The following PDIA5 variants were observed in gnomAD, a reference collection of about 807,000 sequenced individuals.
The protein encoded by PDIA5 is protein disulfide isomerase family A member 5, also known as protein disulfide-isomerase A5.
A neutral mutation model predicts 77.6 loss-of-function variants in PDIA5; 58 were observed. The observed-to-expected ratio is 0.75, with a 90% CI of 0.61 to 0.93. The LOEUF is 0.93. Among genes scored for constraint, PDIA5 ranks in the 40% least tolerant of loss-of-function variants. The pLI is 0.00. For missense variants in PDIA5, 630 were observed against 647.7 expected, an observed-to-expected ratio of 0.97 and a Z score of 0.30; for synonymous variants, 250 against 252.1, an observed-to-expected ratio of 0.99 and a Z score of 0.08.
rs73856854 is a variant in PDIA5 at position 123,153,597 on chromosome 3, A to G, written c.1274-1374A>G. Among the ~76,000 whole-genome samples, 1,013 of 152,130 alleles carry G rather than the reference A, an allele frequency of 6.7e-3. 9 individuals are homozygous for G. The highest frequency in any genetic ancestry group is 0.023 in the African/African-American group (943 of 41,524). On this transcript the variant is annotated intron_variant, in intron 14 of 16. Transcript: ENST00000316218. The stretch of plus-strand genomic sequence containing the variant: ...GCTTGTCTCATTTCTGATATAACCC[A>G]TCACTGGCCCAGGTCTCTTCTGCTC...
rs577300984 is a variant in PDIA5, at chr3:123,150,479, G to A, written c.1273+115G>A. On this transcript the variant is annotated intron_variant, in intron 14 of 16. Coordinates refer to ENST00000316218, the MANE Select transcript of PDIA5 (RefSeq NM_006810.4). ...AAGGCAGCCGCTGATGGATCCCAGG[G>A]TCATCTCCATTATGAACCAGGCTCT... 8 of 954,542 alleles carry A rather than the reference G, an allele frequency of 8.4e-6. No homozygotes were observed. The East Asian group carries it at 1.8e-4, about 22-fold the overall frequency. The allele number at this position is 954,542 out of a possible 1,614,324, so 59.1% of individuals were successfully genotyped here.
chr3:123,150,198 T>G (rs763354855), intron 13 of PDIA5, 36 bp from the exon 14 acceptor site: 1 of 1,571,890 alleles, frequency 6.4e-7, no homozygotes, highest in Non-Finnish European at 8.7e-7. Context: ...AAATCTCTCC[T>G]TATGGCTGCC....
chr3:123,079,671 G>A (rs1933945986), intron 1 of PDIA5, among the ~76,000 whole-genome samples: 1 of 152,072 alleles, frequency 6.6e-6, no homozygotes, highest in South Asian at 2.1e-4. Flanking sequence ...ATTTCCTCAG[G>A]ACACATTCCC....
chr3:123,150,309 C>A lies in PDIA5; in HGVS notation c.1218C>A (p.Asn406Lys), dbSNP rs762826795. The change falls in exon 14 of 17, where the codon AAC (asparagine) becomes AAA (lysine). Residue 406 changes from asparagine to lysine, a missense_variant. Transcript: ENST00000316218. ...QTSVLHLVGD[N>K]FRETLKKKKH... Reference sequence around the variant, plus strand: ...GCGTGTTGCACCTGGTGGGGGACAACTTCCGGGAGACCCTGAAGAAGAAGA... The same window carrying A: ...GCGTGTTGCACCTGGTGGGGGACAAATTCCGGGAGACCCTGAAGAAGAAGA... The A allele has an allele frequency of 1.2e-6, 2 of 1,613,908 alleles. No individual in the cohort carries two copies. Among genetic ancestry groups the A allele is most frequent in the East Asian group, 2.2e-5 (1 of 44,852 alleles).
intron 7 of PDIA5, among the ~76,000 whole-genome samples, chr3:123,111,699 C>T (rs2107942593): frequency 6.6e-6 from 1 of 152,334 alleles, no homozygotes; most frequent in East Asian, 1.9e-4. Context: ...CAGTGGCTTT[C>T]AAACTTTTTG....
chr3:123,102,461 C>T lies in PDIA5; in HGVS notation c.308C>T (p.Pro103Leu), dbSNP rs377598783. ...AAGAAGATGAAAGTTGACCTGAGCC[C>T]GAAGGACAAAAAGGTTGAATTATTC... is the stretch of plus-strand genomic sequence containing the variant. ...LCKKMKVDLS[P>L]KDKKVELFHY... Residue 103 changes from proline to leucine, a missense_variant, in exon 4 of 17, where the codon CCG (proline) becomes CTG (leucine). Physicochemically the swap from Pro to Leu is moderately conservative, Grantham distance 98. Coordinates refer to ENST00000316218, the MANE Select transcript of PDIA5 (RefSeq NM_006810.4). The T allele has an allele frequency of 1.6e-5, 26 of 1,613,936 alleles. No homozygotes were observed. The highest frequency in any genetic ancestry group is 1.2e-4 in the African/African-American group (9 of 75,008).
intron 1 of PDIA5, among the ~76,000 whole-genome samples, chr3:123,087,141 A>G (rs1934161050): frequency 6.6e-6 from 1 of 152,144 alleles, no homozygotes; most frequent in Non-Finnish European, 1.5e-5. Flanking sequence ...CTGAAGACTC[A>G]TATCCTTCAG....
chr3:123,150,293 A>G lies in PDIA5; in HGVS notation c.1202A>G (p.His401Arg), dbSNP rs776940046. The G allele has an allele frequency of 2.5e-6, 4 of 1,613,558 alleles. No homozygotes were observed. Among genetic ancestry groups the G allele is most frequent in the African/African-American group, 2.7e-5 (2 of 74,840 alleles). ...GAAGAGCAGCAGACAAGCGTGTTGC[A>G]CCTGGTGGGGGACAACTTCCGGGAG... ...TWEEQQTSVL[H>R]LVGDNFRETL... Residue 401 changes from histidine to arginine, a missense_variant, in exon 14 of 17, where the codon CAC becomes CGC. By Grantham distance (29) the His-to-Arg change is conservative. Coordinates refer to ENST00000316218, the MANE Select transcript of PDIA5 (RefSeq NM_006810.4).
chr3:123,145,991 A>G (rs1576463183), intron 12 of PDIA5, 108 bp from the exon 13 acceptor site: 2 of 1,047,176 alleles, frequency 1.9e-6, no homozygotes, highest in East Asian at 4.8e-5. Context: ...ACCCCAGTTA[A>G]ATTCCAGCAG....
intron 8 of PDIA5, among the ~76,000 whole-genome samples, chr3:123,123,788 G>A (rs762298845): frequency 1.2e-4 from 18 of 152,222 alleles, no homozygotes; most frequent in Non-Finnish European, 2.2e-4. Flanking sequence ...CCCTCAGAAC[G>A]TTGGTTTTGC....
At chr3:123,086,795 C>T (rs1934150363) in intron 1 of PDIA5, among the ~76,000 whole-genome samples, 1 of 152,076 alleles carries the variant, frequency 6.6e-6, no homozygotes, top group South Asian at 2.1e-4. Context: ...TAGTGGAAGA[C>T]GGGTCCCAGT....
intron 8 of PDIA5, among the ~76,000 whole-genome samples, chr3:123,118,036 A>G (rs1235519599): frequency 1.3e-5 from 2 of 152,206 alleles, no homozygotes; most frequent in African/African-American, 4.8e-5. Flanking sequence ...TTGTGGATCA[A>G]ATTAAGTGGT....
At chr3:123,155,574 G>A (rs1936004035) in intron 15 of PDIA5, among the ~76,000 whole-genome samples, 4 of 152,244 alleles carry the variant, frequency 2.6e-5, no homozygotes, top group Non-Finnish European at 4.4e-5. Flanking sequence ...CAGGCAGCTG[G>A]TGCAGTGGGG....
intron 1 of PDIA5, among the ~76,000 whole-genome samples, chr3:123,083,205 C>T (rs1185670177): frequency 3.2e-5 from 3 of 93,702 alleles, no homozygotes; most frequent in Non-Finnish European, 6.2e-5. Context: ...GGAACTGGTG[C>T]TCGGGGTGGG....
intron 14 of PDIA5, among the ~76,000 whole-genome samples, chr3:123,152,007 TCCTTCCTTCCTG>T (rs1935921097): frequency 6.5e-4 from 76 of 117,068 alleles, no homozygotes; most frequent in African/African-American, 3.6e-3. Context: ...CTTCCTTCCT[TCCTTCCTTCCTG>T]CCTTCCTTCC....
At chr3:123,091,363 C>T (rs748759990) in intron 2 of PDIA5, among the ~76,000 whole-genome samples, 8 of 152,058 alleles carry the variant, frequency 5.3e-5, no homozygotes, top group Non-Finnish European at 1.0e-4. Context: ...TGGTTTTTGG[C>T]GGGAGAAAGC....
chr3:123,131,852 G>A (rs1935378176), intron 11 of PDIA5, among the ~76,000 whole-genome samples: 1 of 151,988 alleles, frequency 6.6e-6, no homozygotes, highest in African/African-American at 2.4e-5. Flanking sequence ...AGAGCCAGGG[G>A]ATGGCAGGTG....
chr3:123,099,247 G>A (rs1039901853), intron 3 of PDIA5, among the ~76,000 whole-genome samples: 3 of 152,178 alleles, frequency 2.0e-5, no homozygotes, highest in South Asian at 2.1e-4. Flanking sequence ...TCCCAGCAGC[G>A]GTAAGACAGT....
intron 3 of PDIA5, among the ~76,000 whole-genome samples, chr3:123,101,925 T>TTTTTTTTTTTTTTTTTTTTTTTTA (rs1934609525): frequency 7.0e-6 from 1 of 143,882 alleles, no homozygotes; most frequent in East Asian, 2.0e-4. Context: ...TTTTTTTTTT[T>TTTTTTTTTTTTTTTTTTTTTTTTA]TTGAGATGGA....
Sources: allele counts gnomAD v4.1 joint callset (sites outside exome capture counted in the v4.1 genomes callset), GRCh38; gene constraint gnomAD v4.1.1; transcripts MANE v1.5; gene names NCBI Gene and HGNC (gene_info 2026-07-23, HGNC 2026-07-21).